Variants in DNAJB4 observed in about 807,000 individuals in gnomAD.
The protein encoded by DNAJB4 is DnaJ heat shock protein family (Hsp40) member B4, also known as dnaJ homolog subfamily B member 4.
In DNAJB4, 10 loss-of-function variants were observed where a neutral mutation model predicts 26.6. The ratio of observed to expected loss-of-function variants is 0.38; its 90% confidence interval spans 0.23 to 0.64. DNAJB4 has a LOEUF of 0.64. Ranked by LOEUF, DNAJB4 falls within the 30% of genes least tolerant of loss-of-function variation. The pLI is 0.58. For synonymous variants in DNAJB4, 136 were observed against 134.8 expected, an observed-to-expected ratio of 1.01 and a Z score of -0.06; for missense variants, 328 against 408.2, an observed-to-expected ratio of 0.80 and a Z score of 1.69.
chr1:78,012,167 T>TC, intron 1 of DNAJB4, among the ~76,000 whole-genome samples: 1 of 132,910 alleles, frequency 7.5e-6, no homozygotes, highest in East Asian at 2.1e-4. Flanking sequence ...TTCTTTTTTT[T>TC]TTTTTTTTTT....
intron 1 of DNAJB4, among the ~76,000 whole-genome samples, chr1:78,012,101 A>G (rs1660495284): frequency 1.6e-5 from 1 of 61,370 alleles, no homozygotes; most frequent in African/African-American, 7.1e-5. Flanking sequence ...ATACTTCAGC[A>G]TGCCAGATCA....
upstream of DNAJB4, chr1:78,004,218 T>C (rs1660261664): frequency 6.6e-6 from 1 of 152,184 alleles, no homozygotes; most frequent in Non-Finnish European, 1.5e-5. Flanking sequence ...AGGGACCTCA[T>C]TCAGTTTTAG....
At chr1:77,996,133 A>G (rs1292827712) in intron 1 of DNAJB4, among the ~76,000 whole-genome samples, 1 of 152,150 alleles carries the variant, frequency 6.6e-6, no homozygotes, top group Non-Finnish European at 1.5e-5. Context: ...AGTTAGTTCT[A>G]TACTCCCCAA....
chr1:77,985,425 TAAG>T (rs1383699934), intron 1 of DNAJB4, among the ~76,000 whole-genome samples: 1 of 152,180 alleles, frequency 6.6e-6, no homozygotes, highest in African/African-American at 2.4e-5. Context: ...GACATGTACT[TAAG>T]AAAAAGGAAT....
chr1:77,999,734 T>C (rs1346050247), intron 1 of DNAJB4, among the ~76,000 whole-genome samples: 1 of 152,212 alleles, frequency 6.6e-6, no homozygotes, highest in Non-Finnish European at 1.5e-5. Context: ...ACAATAATCT[T>C]TGTGAGTTAG....
At chr1:78,006,609 A>G (rs1054935797) in intron 1 of DNAJB4, among the ~76,000 whole-genome samples, 2 of 152,134 alleles carry the variant, frequency 1.3e-5, no homozygotes, top group Admixed American at 6.5e-5. Context: ...TTTTTGGTCT[A>G]TGAGTTGCCC....
intron 1 of DNAJB4, among the ~76,000 whole-genome samples, chr1:77,999,430 GTTT>G: frequency 6.9e-6 from 1 of 145,164 alleles, no homozygotes. Context: ...CATAGAACAG[GTTT>G]TTTTTTTTTT....
intron 1 of DNAJB4, among the ~76,000 whole-genome samples, chr1:77,996,413 C>G (rs1660061807): frequency 6.6e-6 from 1 of 152,060 alleles, no homozygotes; most frequent in Admixed American, 6.5e-5. Flanking sequence ...CCTCGTGCTT[C>G]TAAAGTGCTG....
intron 1 of DNAJB4, among the ~76,000 whole-genome samples, chr1:77,996,050 G>A (rs1444453318): frequency 2.0e-5 from 3 of 152,138 alleles, no homozygotes; most frequent in Non-Finnish European, 2.9e-5. Context: ...AGCTTTCAAG[G>A]ACTTATTGTA....
chr1:77,999,914 C>T (rs146864679), intron 1 of DNAJB4, among the ~76,000 whole-genome samples: 84 of 152,124 alleles, frequency 5.5e-4, no homozygotes, highest in Middle Eastern at 3.4e-3. Context: ...TAATTTGGTA[C>T]GACTGAGATA....
At chr1:77,981,495 G>A (rs1005012893) in intron 1 of DNAJB4, among the ~76,000 whole-genome samples, 3 of 152,032 alleles carry the variant, frequency 2.0e-5, no homozygotes, top group Non-Finnish European at 4.4e-5. Context: ...TGTATTTTTA[G>A]TAGAGACAGT....
At chr1:78,010,093 C>T (rs1055327343) in intron 1 of DNAJB4, among the ~76,000 whole-genome samples, 5 of 152,116 alleles carry the variant, frequency 3.3e-5, no homozygotes, top group Admixed American at 6.6e-5. Flanking sequence ...TAATTATGAC[C>T]GAATTGCCCT....
chr1:78,011,684 A>G (rs766720933), intron 1 of DNAJB4, among the ~76,000 whole-genome samples: 2 of 151,810 alleles, frequency 1.3e-5, no homozygotes, highest in African/African-American at 4.8e-5. Flanking sequence ...GGGTTTCACC[A>G]TGTAGACCAG....
At position 78,013,347 on chromosome 1, in the gene DNAJB4, G is replaced by A; in HGVS notation, c.508G>A (p.Glu170Lys). ...TCATGAACTTAGAGTATCACTTGAA[G>A]AGATATATAGTGGTTGTACCAAACG... ...VIHELRVSLE[E>K]IYSGCTKRMK... Residue 170 changes from glutamate (E) to lysine (K), a missense_variant, in exon 2 of 3, where the codon GAG becomes AAG. By Grantham distance (56) the Glu-to-Lys change is moderately conservative. Coordinates refer to ENST00000370763, the MANE Select transcript of DNAJB4 (RefSeq NM_007034.5). 1 of 1,614,170 alleles carries A rather than the reference G, an allele frequency of 6.2e-7. No individual in the cohort carries two copies. Among genetic ancestry groups the A allele is most frequent in the Non-Finnish European group, 8.5e-7 (1 of 1,180,040 alleles).
intron 1 of DNAJB4, among the ~76,000 whole-genome samples, 188 bp downstream of exon 1, chr1:78,005,509 A>G (rs981139455): frequency 6.6e-6 from 1 of 152,188 alleles, no homozygotes; most frequent in Non-Finnish European, 1.5e-5. Flanking sequence ...CATATGAATG[A>G]GTATTGCAGA....
At position 78,016,213 on chromosome 1, in the gene DNAJB4, A is replaced by G. The variant is rs1660639303; in HGVS notation, c.980A>G (p.Lys327Arg). Residue 327 changes from lysine to arginine, a missense_variant, in exon 3 of 3, where the codon AAA becomes AGA. Transcript: ENST00000370763. ...SFPDTISSSSKEVLRKHLPAS is the reference protein window; with the variant it reads ...SFPDTISSSSREVLRKHLPAS ...CCAGATACTATATCTTCTTCATCCA[A>G]AGAAGTACTTAGGAAACATCTTCCT... The G allele has an allele frequency of 1.9e-6, 3 of 1,613,990 alleles. No individual in the cohort carries two copies. The highest frequency in any genetic ancestry group is 1.7e-6 in the Non-Finnish European group (2 of 1,180,006).
chr1:77,984,561 T>A (rs1343065462), intron 1 of DNAJB4, among the ~76,000 whole-genome samples: 3 of 152,202 alleles, frequency 2.0e-5, no homozygotes, highest in African/African-American at 7.2e-5. Flanking sequence ...TTAAAGTGAA[T>A]TAAATTTTGT....
At chr1:78,009,774 C>T (rs1266623478) in intron 1 of DNAJB4, among the ~76,000 whole-genome samples, 2 of 151,964 alleles carry the variant, frequency 1.3e-5, no homozygotes, top group South Asian at 4.1e-4. Flanking sequence ...TACAGGCGTG[C>T]GCCACCACGC....
intron 1 of DNAJB4, among the ~76,000 whole-genome samples, chr1:77,982,380 A>G (rs1394183083): frequency 1.3e-5 from 2 of 152,216 alleles, no homozygotes; most frequent in African/African-American, 2.4e-5. Flanking sequence ...CAGTTCTTCT[A>G]TTACATTTAT....
Sources: allele counts gnomAD v4.1 joint callset (sites outside exome capture counted in the v4.1 genomes callset), GRCh38; gene constraint gnomAD v4.1.1; transcripts MANE v1.5; gene names NCBI Gene and HGNC (gene_info 2026-07-23, HGNC 2026-07-21).